The following EIF3F variants were observed in gnomAD, a reference collection of about 807,000 sequenced individuals.
The protein encoded by EIF3F is eukaryotic translation initiation factor 3 subunit F, also known as deubiquitinating enzyme eIF3f.
Under a neutral mutation model 36.0 loss-of-function variants are expected in EIF3F, and 8 were observed. That is an observed-to-expected ratio of 0.22 (90% confidence interval 0.13 to 0.40). The LOEUF (loss-of-function observed/expected upper bound fraction) is 0.40. Ranked by LOEUF, EIF3F falls within the 10% of genes least tolerant of loss-of-function variation. The pLI, the probability that EIF3F is intolerant of heterozygous loss-of-function variation, is 1.00. For missense variants in EIF3F, 430 were observed against 467.6 expected (o/e 0.92, Z 0.74); for synonymous variants, 184 against 188.5 (o/e 0.98, Z 0.19).
Position 7,995,052 on chromosome 11 carries a change from A to T in EIF3F, c.816A>T (p.Val272=), listed in dbSNP as rs374271988. ...VIGLSSDLQQ[V]GGASARIQDA... ...GACTCTCAAGTGACTTGCAGCAAGT[A>T]GGAGGGGCATCAGCTCGCATCCAGG... Residue 272 remains valine, a synonymous_variant, in exon 6 of 8, where the codon GTA becomes GTT. Transcript: ENST00000651655. The T allele has an allele frequency of 7.1e-5, 115 of 1,613,852 alleles. No homozygotes were observed. The highest frequency in any genetic ancestry group is 9.2e-5 in the Non-Finnish European group (109 of 1,179,906).
At chr11:7,991,362 C>A (rs7941107) in intron 1 of EIF3F, among the ~76,000 whole-genome samples, 29,730 of 151,984 alleles carry the variant, frequency 0.2, 3,228 homozygotes, top group African/African-American at 0.29. Context: ...GATGAAGCTC[C>A]TGACGTCTCA....
At chr11:7,992,600 T>G (rs1023028030) in intron 3 of EIF3F, 3 of 477,594 alleles carry the variant, frequency 6.3e-6, no homozygotes, top group Non-Finnish European at 3.8e-6. Flanking sequence ...GAAAGTGTGT[T>G]ACCTGTAGGA....
intron 5 of EIF3F, 91 bp from the exon 6 acceptor site, chr11:7,994,891 G>T (rs763502225): frequency 1.3e-6 from 2 of 1,555,418 alleles, no homozygotes; most frequent in African/African-American, 2.7e-5. Context: ...TTAGTAGGAC[G>T]TTAAGACCAT....
In EIF3F at chr11:8,000,493, C is replaced by G. The variant is rs1033413951; in HGVS notation, c.*4471C>G. 52 of 152,230 alleles carry G rather than the reference C, an allele frequency of 3.4e-4. No homozygotes were observed. Among genetic ancestry groups the G allele is most frequent in the African/African-American group, 1.3e-3 (52 of 41,528 alleles). The allele number at this position is 152,230 out of a possible 1,614,324, so 9.4% of individuals were successfully genotyped here. ...GGAGACCTGTTGTGCAGCAGGGTGA[C>G]TAGTTAATGTATACTTGAAAATTGC... On this transcript the variant is annotated 3_prime_UTR_variant, in exon 8 of 8. Coordinates refer to ENST00000651655, the MANE Select transcript of EIF3F (RefSeq NM_003754.3).
At chr11:7,993,517 G>A (rs773795025) in intron 4 of EIF3F, among the ~76,000 whole-genome samples, 1 of 152,190 alleles carries the variant, frequency 6.6e-6, no homozygotes, top group Non-Finnish European at 1.5e-5. Context: ...CAGTGAACAC[G>A]TTGAGCTTGC....
chr11:7,995,694 C>A (rs1272666686), intron 7 of EIF3F: 2 of 590,672 alleles, frequency 3.4e-6, no homozygotes, highest in Non-Finnish European at 6.0e-6. Context: ...AGTTCACAGA[C>A]CCCCTATATT....
intron 7 of EIF3F, 28 bp from the exon 8 acceptor site, chr11:7,995,917 C>CA (rs1564887648): frequency 1.2e-6 from 2 of 1,607,144 alleles, no homozygotes; most frequent in Non-Finnish European, 1.7e-6. Flanking sequence ...CCCAACCCCC[C>CA]ACTCATTGTG....
chr11:7,996,167 A>C lies in EIF3F; in HGVS notation c.*145A>C, dbSNP rs1450382303. ...AATAAACGGAGCCTACCTTTTGTAAATTAATTTCATCTTATGTGAGTTTAT... is the reference window on the plus strand; with the variant it reads ...AATAAACGGAGCCTACCTTTTGTAACTTAATTTCATCTTATGTGAGTTTAT... On this transcript the variant is annotated 3_prime_UTR_variant, in exon 8 of 8. Transcript: ENST00000651655. 4 of 680,022 alleles carry C rather than the reference A, an allele frequency of 5.9e-6. No individual in the cohort carries two copies. Among genetic ancestry groups the C allele is most frequent in the Non-Finnish European group, 1.0e-5 (4 of 398,618 alleles). 42.1% of individuals were successfully genotyped at this position (680,022 alleles called of 1,614,324 possible). A position where few individuals can be genotyped will look rare whatever the true frequency, so the allele number is the denominator to read the frequency against.
At position 7,992,986 on chromosome 11, in the gene EIF3F, T is replaced by G; in HGVS notation, c.615T>G (p.Ser205Arg). 6.2e-7 allele frequency: 1 copy of G among 1,609,794 alleles called. No homozygotes were observed. Among genetic ancestry groups the G allele is most frequent in the Non-Finnish European group, 8.5e-7 (1 of 1,177,894 alleles). The change falls in exon 4 of 8, where the codon AGT becomes AGG. Residue 205 changes from serine (S) to arginine (R), a missense_variant. Physicochemically the swap from Ser to Arg is moderately radical, Grantham distance 110. Coordinates refer to ENST00000651655, the MANE Select transcript of EIF3F (RefSeq NM_003754.3). ...CCATCCACCTCACTGTGGACACAAGTCTCCAGAACGGCCGCATGAGCATCA... is the reference window on the plus strand; with the variant it reads ...CCATCCACCTCACTGTGGACACAAGGCTCCAGAACGGCCGCATGAGCATCA... ...PNPIHLTVDTSLQNGRMSIKA... is the reference protein window; with the variant it reads ...PNPIHLTVDTRLQNGRMSIKA...
intron 1 of EIF3F, among the ~76,000 whole-genome samples, chr11:7,991,109 C>G (rs958580491): frequency 5.9e-5 from 9 of 151,432 alleles, no homozygotes; most frequent in African/African-American, 9.7e-5. Context: ...GCAGGAGAAT[C>G]ACTTGAACCC....
In EIF3F at chr11:8,001,377, A is replaced by G. The variant is rs1942219721; in HGVS notation, c.*5355A>G. 1 of 152,212 alleles carries G rather than the reference A, an allele frequency of 6.6e-6. No homozygotes were observed. Among genetic ancestry groups the G allele is most frequent in the South Asian group, 2.1e-4 (1 of 4,832 alleles). 9.4% of individuals were successfully genotyped at this position (152,212 alleles called of 1,614,324 possible). ...ACCCAGGAATTCCACTCCTCATTAT[A>G]TATCCTACAAATAAACTGGTCTCGT... On this transcript the variant is annotated 3_prime_UTR_variant, in exon 8 of 8. Coordinates refer to ENST00000651655, the MANE Select transcript of EIF3F (RefSeq NM_003754.3).
In EIF3F at chr11:7,987,368, G is replaced by C. The variant is rs749911888; in HGVS notation, c.16G>C (p.Val6Leu). Residue 6 changes from valine (V) to leucine (L), a missense_variant, in exon 1 of 8, where the codon GTA (valine) becomes CTA (leucine). By Grantham distance (32) the Val-to-Leu change is conservative. Coordinates refer to ENST00000651655, the MANE Select transcript of EIF3F (RefSeq NM_003754.3). MATPAVPVSAPPATPT... is the reference protein window; with the variant it reads MATPALPVSAPPATPT... ...TCTCGACAAGATGGCCACACCGGCG[G>C]TACCAGTAAGTGCTCCTCCGGCCAC... 1 of 1,595,190 alleles carries C rather than the reference G, an allele frequency of 6.3e-7. No homozygotes were observed. The highest frequency in any genetic ancestry group is 2.2e-5 in the East Asian group (1 of 44,674).
chr11:7,988,436 G>A (rs930828456), intron 1 of EIF3F, among the ~76,000 whole-genome samples: 6 of 152,114 alleles, frequency 3.9e-5, no homozygotes, highest in Admixed American at 1.3e-4. Context: ...CCTTCAGGTC[G>A]AAAAATGACC....
rs1403393846 is a variant in EIF3F, at chr11:7,996,289, G to T, written c.*267G>T. 3 of 321,314 alleles carry T rather than the reference G, an allele frequency of 9.3e-6. No individual in the cohort carries two copies. Among genetic ancestry groups the T allele is most frequent in the Non-Finnish European group, 1.7e-5 (3 of 175,270 alleles). The allele number at this position is 321,314 out of a possible 1,614,324, so 19.9% of individuals were successfully genotyped here. ...TTGGTTATGTGTTTGGCATGTTACT[G>T]TTTTACCAAACTGTTCTTTTGGTTT... On this transcript the variant is annotated 3_prime_UTR_variant, in exon 8 of 8. Transcript: ENST00000651655.
chr11:7,993,880 C>T (rs1272140194), intron 4 of EIF3F, among the ~76,000 whole-genome samples: 1 of 151,466 alleles, frequency 6.6e-6, no homozygotes, highest in Admixed American at 6.6e-5. Flanking sequence ...ATATAAGATC[C>T]AACTATATAT....
At chr11:7,994,233 G>A (rs150197820) in intron 4 of EIF3F, among the ~76,000 whole-genome samples, 193 bp from the exon 5 acceptor site, 1 of 152,312 alleles carries the variant, frequency 6.6e-6, no homozygotes, top group Non-Finnish European at 1.5e-5. Flanking sequence ...CAGATCAAGG[G>A]TTTGGTATGT....
chr11:7,991,110 A>T (rs1942088197), intron 1 of EIF3F, among the ~76,000 whole-genome samples: 1 of 151,790 alleles, frequency 6.6e-6, no homozygotes, highest in Non-Finnish European at 1.5e-5. Flanking sequence ...CAGGAGAATC[A>T]CTTGAACCCT....
chr11:7,989,992 C>G (rs527323917), intron 1 of EIF3F, among the ~76,000 whole-genome samples: 1 of 152,332 alleles, frequency 6.6e-6, no homozygotes, highest in South Asian at 2.1e-4. Context: ...TCATTTGAAG[C>G]TCTTTGGGGA....
rs747455483 is a variant in EIF3F at position 7,987,490 on chromosome 11, C to G, written c.138C>G (p.Ser46=). Reference sequence around the variant, plus strand: ...TTCCCGCTGCGGCTCCAGCCTCATCCTCAGACCCTGCGGCAGCAGCGGCTG... The same window carrying G: ...TTCCCGCTGCGGCTCCAGCCTCATCGTCAGACCCTGCGGCAGCAGCGGCTG... ...APVPAAAPAS[S]SDPAAAAAAT... Residue 46 remains serine (S), a synonymous_variant, in exon 1 of 8, where the codon TCC becomes TCG. Coordinates refer to ENST00000651655, the MANE Select transcript of EIF3F (RefSeq NM_003754.3). The G allele has an allele frequency of 1.9e-6, 3 of 1,606,634 alleles. No individual in the cohort carries two copies. The highest frequency in any genetic ancestry group is 1.7e-5 in the Admixed American group (1 of 59,808).
Sources: allele counts gnomAD v4.1 joint callset (sites outside exome capture counted in the v4.1 genomes callset), GRCh38; gene constraint gnomAD v4.1.1; transcripts MANE v1.5; gene names NCBI Gene and HGNC (gene_info 2026-07-23, HGNC 2026-07-21).